XCL2: variants seen among roughly 807,000 people sequenced by gnomAD.
XCL2 encodes X-C motif chemokine ligand 2.
In XCL2, 8 loss-of-function variants were observed where a neutral mutation model predicts 7.2. The ratio of observed to expected loss-of-function variants is 1.10; its 90% CI spans 0.65 to 1.99. The LOEUF is 1.99. XCL2 is among the 30% of genes most tolerant of loss of function. XCL2 has a pLI of 0.00. For synonymous variants in XCL2, 46 were observed against 54.2 expected, an observed-to-expected ratio of 0.85 and a Z score of 0.67; for missense variants, 131 against 138.6, an observed-to-expected ratio of 0.94 and a Z score of 0.28.
rs776737025 is a variant in XCL2, at chr1:168,542,000, C to T, written c.169G>A (p.Ala57Thr). The T allele has an allele frequency of 2.5e-6, 4 of 1,611,246 alleles. No homozygotes were observed. Among genetic ancestry groups the T allele is most frequent in the East Asian group, 2.2e-5 (1 of 44,670 alleles). Residue 57 changes from alanine (A) to threonine (T), a missense_variant, in exon 2 of 3, where the codon GCA becomes ACA. Transcript: ENST00000367819. ...CTGAGGAGGCAGACTCACATTACTG[C>T]TCTCAAGGAGCCTTCCGTGATGGTG... ...TYTITEGSLRAVIFITKRGLK... is the reference protein window; with the variant it reads ...TYTITEGSLRTVIFITKRGLK...
Position 168,541,760 on chromosome 1 carries a change from C to T in XCL2, c.176+233G>A, listed in dbSNP as rs543310970. On this transcript the variant is annotated intron_variant, in intron 2 of 2. Transcript: ENST00000367819. The stretch of plus-strand genomic sequence containing the variant: ...TATTCAACAGACTCTTCCACTAAGA[C>T]AAATAGAGGAGGACTTCTATTCTTT... Among the ~76,000 whole-genome samples the T allele has an allele frequency of 1.4e-4, 22 of 152,280 alleles. 1 individual carries two copies. The highest frequency in any genetic ancestry group is 1.4e-3 in the East Asian group (7 of 5,176).
intron 2 of XCL2, among the ~76,000 whole-genome samples, chr1:168,541,467 T>C (rs547116786): frequency 6.6e-6 from 1 of 152,190 alleles, no homozygotes; most frequent in Admixed American, 6.5e-5. Flanking sequence ...CTTATTTTTT[T>C]TAAAAAGGTG....
intron 2 of XCL2, 36 bp from the exon 3 acceptor site, chr1:168,541,156 C>G (rs369682043): frequency 5.6e-6 from 9 of 1,608,518 alleles, no homozygotes; most frequent in South Asian, 2.2e-5. Flanking sequence ...AAGTTAGCCA[C>G]GTTCTCAAAG....
rs1380798024 is a variant in XCL2 at position 168,540,985 on chromosome 1, T to C, written c.312A>G (p.Gln104=). ...TCAGGGTCACAGCTGTATTGGTCGA[T>C]TGCTGGGTTCCTGTTGGCTTGGTCT... is the stretch of plus-strand genomic sequence containing the variant. ...MIQTKPTGTQ[Q]STNTAVTLTG The change falls in exon 3 of 3, where the codon CAA becomes CAG. Residue 104 remains glutamine, a synonymous_variant. Coordinates refer to ENST00000367819, the MANE Select transcript of XCL2 (RefSeq NM_003175.4). 6.2e-7 allele frequency: 1 copy of C among 1,613,660 alleles called. No homozygotes were observed. The highest frequency in any genetic ancestry group is 2.2e-5 in the East Asian group (1 of 44,864).
intron 2 of XCL2, among the ~76,000 whole-genome samples, chr1:168,541,485 C>T (rs1290577773): frequency 2.0e-5 from 3 of 151,972 alleles, no homozygotes; most frequent in Non-Finnish European, 2.9e-5. Flanking sequence ...GTGATTTTTA[C>T]ATTTTCATTC....
intron 2 of XCL2, among the ~76,000 whole-genome samples, chr1:168,541,518 G>A (rs1018076736): frequency 2.6e-5 from 4 of 152,028 alleles, no homozygotes; most frequent in Non-Finnish European, 5.9e-5. Flanking sequence ...CTTGCAATAT[G>A]TATTGGGAAG....
intron 1 of XCL2, chr1:168,543,473 A>G (rs1654336389): frequency 5.6e-6 from 1 of 177,790 alleles, no homozygotes; most frequent in African/African-American, 2.4e-5. Flanking sequence ...AATGGGCAAA[A>G]CCTACAAATG....
chr1:168,542,834 G>C lies in XCL2; in HGVS notation c.62-727C>G, dbSNP rs369286010. On this transcript the variant is annotated intron_variant, in intron 1 of 2. Transcript: ENST00000367819. The stretch of plus-strand genomic sequence containing the variant: ...TGATGAAACCGCTGTGTGAGAAAAG[G>C]CCTAAGAGTTTTCTTAGGCAGGCAT... The C allele has an allele frequency of 4.4e-3, 790 of 179,266 alleles. 3 individuals are homozygous for C. The highest frequency in any genetic ancestry group is 0.017 in the African/African-American group (695 of 41,994). The allele number at this position is 179,266 out of a possible 1,614,324, so 11.1% of individuals were successfully genotyped here.
intron 2 of XCL2, 38 bp from the exon 3 acceptor site, chr1:168,541,158 T>G: frequency 6.2e-7 from 1 of 1,608,374 alleles, no homozygotes; most frequent in Non-Finnish European, 8.5e-7. Context: ...GTTAGCCACG[T>G]TCTCAAAGCC....
chr1:168,542,600 C>G (rs1470451300), intron 1 of XCL2: 1 of 157,634 alleles, frequency 6.3e-6, no homozygotes, highest in Non-Finnish European at 1.4e-5. Flanking sequence ...AGTGAGATGA[C>G]AGAGTAATGC....
At chr1:168,541,486 A>G (rs1243212069) in intron 2 of XCL2, among the ~76,000 whole-genome samples, 1 of 152,032 alleles carries the variant, frequency 6.6e-6, no homozygotes, top group Non-Finnish European at 1.5e-5. Context: ...TGATTTTTAC[A>G]TTTTCATTCT....
chr1:168,543,711 C>G (rs1654340059), intron 1 of XCL2, among the ~76,000 whole-genome samples, 193 bp downstream of exon 1: 1 of 151,254 alleles, frequency 6.6e-6, no homozygotes, highest in Admixed American at 6.6e-5. Context: ...AGATACTAAT[C>G]AAATTCTCCC....
In XCL2 at chr1:168,541,618, T is replaced by TA. The variant is rs200365931; in HGVS notation, c.176+374dup. ...CATTTTCTTGAAATATGGCAACTGA[T>TA]AAAGTATGGGACTCTGCCTAACTCA... On this transcript the variant is annotated intron_variant, in intron 2 of 2. Transcript: ENST00000367819. Among the ~76,000 whole-genome samples the TA allele has an allele frequency of 1.1e-4, 17 of 152,254 alleles. No homozygotes were observed. The South Asian group carries it at 1.2e-3, about 11-fold the overall frequency.
chr1:168,541,973 T>C lies in XCL2; in HGVS notation c.176+20A>G. Reference sequence around the variant, plus strand: ...CCTCTAGGTACCCACCCAGCCCAACTTCTGAGGAGGCAGACTCACATTACT... The same window carrying C: ...CCTCTAGGTACCCACCCAGCCCAACCTCTGAGGAGGCAGACTCACATTACT... On this transcript the variant is annotated intron_variant, in intron 2 of 2. Coordinates refer to ENST00000367819, the MANE Select transcript of XCL2 (RefSeq NM_003175.4). 1 of 1,609,480 alleles carries C rather than the reference T, an allele frequency of 6.2e-7. No individual in the cohort carries two copies. The highest frequency in any genetic ancestry group is 8.5e-7 in the Non-Finnish European group (1 of 1,177,474).
intron 2 of XCL2, 149 bp from the exon 3 acceptor site, chr1:168,541,269 C>G: frequency 1.0e-5 from 11 of 1,104,350 alleles, no homozygotes; most frequent in Non-Finnish European, 1.4e-5. Flanking sequence ...AAATGAGCAC[C>G]CTTCTTCTGC....
rs1305526420 is a variant in XCL2, at chr1:168,543,800, G to A, written c.61+104C>T. ...CACATGGGAAGTTTAAGGCTCCCCT[G>A]GAGACAGCAGTTTAGTCCAGTCAAA... On this transcript the variant is annotated intron_variant, in intron 1 of 2. Transcript: ENST00000367819. 3 of 1,548,254 alleles carry A rather than the reference G, an allele frequency of 1.9e-6. No homozygotes were observed. The Admixed American group carries it at 5.2e-5, about 27-fold the overall frequency.
intron 2 of XCL2, 50 bp from the exon 3 acceptor site, chr1:168,541,170 C>T: frequency 6.2e-7 from 1 of 1,602,794 alleles, no homozygotes. Flanking sequence ...CTCAAAGCCT[C>T]AGGGTCAGGA....
chr1:168,541,458 T>G (rs1654281073), intron 2 of XCL2, among the ~76,000 whole-genome samples: 2 of 148,562 alleles, frequency 1.3e-5, no homozygotes, highest in African/African-American at 2.5e-5. Flanking sequence ...AATACTCATC[T>G]TATTTTTTTT....
intron 1 of XCL2, among the ~76,000 whole-genome samples, chr1:168,542,402 G>A (rs1654307193): frequency 6.6e-6 from 1 of 151,930 alleles, no homozygotes; most frequent in African/African-American, 2.4e-5. Flanking sequence ...CATTTGGGAC[G>A]GCTAGCAAAT....
Sources: gnomAD v4.1 joint callset for allele counts (sites outside exome capture counted in the v4.1 genomes callset) on GRCh38, gnomAD v4.1.1 for gene constraint, MANE v1.5 for transcripts, NCBI Gene and HGNC (gene_info 2026-07-23, HGNC 2026-07-21) for gene names.